The following BRD7 variants were observed in gnomAD, a reference collection of about 807,000 sequenced individuals.
BRD7 encodes bromodomain containing 7.
In BRD7, 15 loss-of-function variants were observed where a neutral mutation model predicts 82.1. The observed-to-expected ratio is 0.18, with a 90% CI of 0.12 to 0.28. The LOEUF is 0.28. Among genes scored for constraint, BRD7 ranks in the 10% least tolerant of loss-of-function variants. The probability of loss-of-function intolerance (pLI) is 1.00; values close to 1 mark genes in which losing one functional copy is unlikely to be tolerated. For missense variants in BRD7, 638 were observed against 779.9 expected (o/e 0.82, Z 2.17); for synonymous variants, 232 against 266.9 (o/e 0.87, Z 1.27).
intron 2 of BRD7, among the ~76,000 whole-genome samples, chr16:50,358,350 T>TCCCGTCTCTACAAAAAATGCAAAAATTAG (rs61455994): frequency 6.6e-6 from 1 of 151,088 alleles, no homozygotes; most frequent in African/African-American, 2.4e-5. Flanking sequence ...CATAGCGAAA[T>TCCCGTCTCTACAAAAAATGCAAAAATTAG]CCAGGAGTTT....
At chr16:50,362,565 GATAA>G (rs1221168879) in intron 2 of BRD7, among the ~76,000 whole-genome samples, 1 of 152,194 alleles carries the variant, frequency 6.6e-6, no homozygotes, top group Non-Finnish European at 1.5e-5. Flanking sequence ...TCCACTGACT[GATAA>G]ATAAATAAAA....
intron 2 of BRD7, 49 bp from the exon 3 acceptor site, chr16:50,354,971 CT>C (rs1278825029): frequency 3.2e-6 from 5 of 1,580,570 alleles, no homozygotes; most frequent in Non-Finnish European, 4.3e-6. Flanking sequence ...GAACCAATAT[CT>C]TTAAATACAT....
At chr16:50,340,244 C>T (rs1313906510) in intron 5 of BRD7, among the ~76,000 whole-genome samples, 158 bp from the exon 6 acceptor site, 2 of 152,150 alleles carry the variant, frequency 1.3e-5, no homozygotes, top group Non-Finnish European at 1.5e-5. Context: ...AGTTTTAAGA[C>T]TCACCAACAA....
intron 2 of BRD7, among the ~76,000 whole-genome samples, chr16:50,355,951 G>C (rs1321439368): frequency 2.6e-5 from 4 of 152,076 alleles, no homozygotes; most frequent in African/African-American, 4.8e-5. Flanking sequence ...ATTCCATGAA[G>C]AGCATCTATA....
chr16:50,329,368 A>C (rs1483462453), intron 8 of BRD7, among the ~76,000 whole-genome samples: 1 of 152,196 alleles, frequency 6.6e-6, no homozygotes, highest in East Asian at 1.9e-4. Flanking sequence ...TTGGCTTTAA[A>C]ACCAACGTGA....
chr16:50,359,277 T>C (rs2038853200), intron 2 of BRD7, among the ~76,000 whole-genome samples: 1 of 152,262 alleles, frequency 6.6e-6, no homozygotes, highest in Non-Finnish European at 1.5e-5. Flanking sequence ...AGCTATGATA[T>C]GGATAAACTA....
intron 4 of BRD7, among the ~76,000 whole-genome samples, chr16:50,351,389 T>C (rs2038517116): frequency 1.3e-5 from 2 of 152,154 alleles, no homozygotes; most frequent in African/African-American, 2.4e-5. Context: ...CAAAAATACA[T>C]AGTCAGGACC....
chr16:50,326,509 T>C, intron 9 of BRD7, 118 bp from the exon 10 acceptor site: 1 of 590,758 alleles, frequency 1.7e-6, no homozygotes, highest in Non-Finnish European at 2.8e-6. Context: ...TGAAGGAGGC[T>C]GGGAAGCGCT....
chr16:50,320,102 A>G (rs998327952), intron 15 of BRD7, 72 bp from the exon 16 acceptor site: 6 of 1,535,988 alleles, frequency 3.9e-6, no homozygotes, highest in Admixed American at 4.3e-5. Flanking sequence ...AAGAACAGTA[A>G]ATGTACACAT....
At chr16:50,352,134 C>A (rs2038550934) in intron 4 of BRD7, among the ~76,000 whole-genome samples, 1 of 152,156 alleles carries the variant, frequency 6.6e-6, no homozygotes, top group South Asian at 2.1e-4. Context: ...TTTTTAAGAT[C>A]CCACATGAGT....
In BRD7 at chr16:50,345,885, C is replaced by A. The variant is rs1456481245; in HGVS notation, c.591+4138G>T. ...CGAGACAGAAAGTTAACAAGGATAT[C>A]CAGGAATTGAACTCAGCTCTGCACC... On this transcript the variant is annotated intron_variant, in intron 5 of 16. Coordinates refer to ENST00000394688, the MANE Select transcript of BRD7 (RefSeq NM_013263.5). 3.3e-5 allele frequency among the ~76,000 whole-genome samples: 5 copies of A among 152,088 alleles called. 1 individual carries two copies. The highest frequency in any genetic ancestry group is 2.9e-5 in the Non-Finnish European group (2 of 68,024).
At chr16:50,319,402 G>A (rs1293474252) in intron 16 of BRD7, 136 bp from the exon 17 acceptor site, 18 of 694,280 alleles carry the variant, frequency 2.6e-5, no homozygotes, top group Middle Eastern at 2.4e-4. Flanking sequence ...TGAAGACTAC[G>A]CGCATTATCA....
chr16:50,342,885 T>C (rs9924797), intron 5 of BRD7, among the ~76,000 whole-genome samples: 56,697 of 151,946 alleles, frequency 0.37, 12,269 homozygotes, highest in Middle Eastern at 0.51. Flanking sequence ...GTTGAATACA[T>C]AGTAAATTTT....
intron 2 of BRD7, among the ~76,000 whole-genome samples, chr16:50,359,938 A>T (rs974639147): frequency 2.0e-5 from 3 of 152,182 alleles, no homozygotes; most frequent in African/African-American, 7.2e-5. Context: ...AGGCAGGAGA[A>T]AGGAAGAGGG....
At chr16:50,362,267 G>A (rs1374937874) in intron 2 of BRD7, among the ~76,000 whole-genome samples, 1 of 152,142 alleles carries the variant, frequency 6.6e-6, no homozygotes, top group East Asian at 1.9e-4. Flanking sequence ...CATGTGCTGT[G>A]GGCAGAGGTT....
In BRD7 at chr16:50,334,771, C is replaced by G. The variant is rs781455203; in HGVS notation, c.827G>C (p.Arg276Thr). The G allele has an allele frequency of 1.5e-5, 24 of 1,613,898 alleles. No homozygotes were observed. The Admixed American group carries it at 4.0e-4, about 27-fold the overall frequency. Residue 276 changes from arginine to threonine, a missense_variant, in exon 7 of 17, where the codon AGA becomes ACA. Arg to Thr is a moderately conservative substitution (Grantham distance 71, BLOSUM62 -1). This residue lies in a region of BRD7 where 402 missense variants were observed against 500.8 expected (regional missense o/e 0.80). Transcript: ENST00000394688. ...GEDGGCWQRE[R>T]EDSGDAEAHA... ...TGCTTCGGCATCTCCAGAGTCCTCTCTCTCTCTCTGCCAGCAGCCTCCGTC... is the reference window on the plus strand; with the variant it reads ...TGCTTCGGCATCTCCAGAGTCCTCTGTCTCTCTCTGCCAGCAGCCTCCGTC...
chr16:50,334,837 C>G lies in BRD7; in HGVS notation c.761G>C (p.Arg254Pro), dbSNP rs140345367. 2.9e-5 allele frequency: 46 copies of G among 1,614,002 alleles called. No homozygotes were observed. The highest frequency in any genetic ancestry group is 3.7e-5 in the Non-Finnish European group (44 of 1,180,016). ...IDFMADLQKT[R>P]KQKDGTDTSQ... The stretch of plus-strand genomic sequence containing the variant: ...GGTGTCTGTTCCATCTTTCTGCTTT[C>G]GAGTTTTCTGCAAGTCAGCCATGAA... The change falls in exon 7 of 17, where the codon CGA (arginine) becomes CCA (proline). Residue 254 changes from arginine to proline, a missense_variant. Physicochemically the swap from Arg to Pro is moderately radical, Grantham distance 103 (BLOSUM62 -2). Transcript: ENST00000394688.
intron 6 of BRD7, 43 bp downstream of exon 6, chr16:50,339,933 C>T (rs2151168377): frequency 8.0e-7 from 1 of 1,242,606 alleles, no homozygotes; most frequent in Non-Finnish European, 1.1e-6. Context: ...AACAGCGACA[C>T]AGATTTTAAT....
At chr16:50,348,168 C>T (rs1480330835) in intron 5 of BRD7, among the ~76,000 whole-genome samples, 2 of 152,278 alleles carry the variant, frequency 1.3e-5, no homozygotes, top group South Asian at 2.1e-4. Flanking sequence ...AGAAAGAATT[C>T]CCTATTTAAT....
Sources: gnomAD v4.1 joint callset for allele counts (sites outside exome capture counted in the v4.1 genomes callset) on GRCh38, gnomAD v4.1.1 for gene constraint, gnomAD v4.1.1 regional missense constraint, MANE v1.5 for transcripts, NCBI Gene and HGNC (gene_info 2026-07-23, HGNC 2026-07-21) for gene names.